Variants in ZNF248 observed in about 807,000 individuals in gnomAD.
ZNF248 encodes the protein KRAB protein domain.
ZNF248 carries 20 observed loss-of-function variants against 44.3 expected under a neutral mutation model. The ratio of observed to expected loss-of-function variants is 0.45; its 90% CI spans 0.32 to 0.66. The LOEUF is 0.66. ZNF248 is among the 30% of genes least tolerant of loss of function. The pLI is 0.04. For missense variants in ZNF248, 654 were observed against 677.0 expected (o/e 0.97, Z 0.38); for synonymous variants, 224 against 229.0 (o/e 0.98, Z 0.20).
intron 6 of ZNF248, among the ~76,000 whole-genome samples, chr10:37,778,776 T>C (rs1205967341): frequency 6.6e-6 from 1 of 151,124 alleles, no homozygotes; most frequent in East Asian, 1.9e-4. Context: ...GCAAGACTAA[T>C]AAAGAAAAAA....
intron 3 of ZNF248, 76 bp from the exon 4 acceptor site, chr10:37,838,187 T>C: frequency 7.2e-7 from 1 of 1,392,460 alleles, no homozygotes; most frequent in African/African-American, 1.4e-5. Flanking sequence ...AACTAATCTC[T>C]TTAGAGTTTA....
downstream of ZNF248, among the ~76,000 whole-genome samples, chr10:37,824,821 A>G (rs959032757): frequency 6.1e-5 from 9 of 146,586 alleles, no homozygotes; most frequent in Admixed American, 4.8e-4. Context: ...AGCTGGGACT[A>G]TAGGTGCCCA....
chr10:37,765,637 C>A, the ZNF248 span, among the ~76,000 whole-genome samples: 1 of 152,208 alleles, frequency 6.6e-6, no homozygotes, highest in African/African-American at 2.4e-5. Flanking sequence ...TCGATGCACA[C>A]TGGAAGGGAG....
At chr10:37,805,131 A>C (rs1030198050) in intron 6 of ZNF248, among the ~76,000 whole-genome samples, 16 of 152,186 alleles carry the variant, frequency 1.1e-4, no homozygotes, top group African/African-American at 3.4e-4. Context: ...GGTAGAAGTA[A>C]TGAGGATAAC....
At position 37,785,490 on chromosome 10, in the gene ZNF248, G is replaced by A. The variant is rs187076081; in HGVS notation, c.331-8915C>T. 9.8e-5 allele frequency among the ~76,000 whole-genome samples: 15 copies of A among 152,316 alleles called. No individual in the cohort carries two copies. In the East Asian group the frequency reaches 2.9e-3, roughly 29 times the overall value. ...GGCCTGAACAGGTCTCAGCAACTTA[G>A]TAATTTATATAAATAGGTGACCCAT... On this transcript the variant is annotated intron_variant, in intron 6 of 6. Transcript: ENST00000615949.
intron 3 of ZNF248, among the ~76,000 whole-genome samples, chr10:37,847,211 T>G (rs1265468739): frequency 6.6e-6 from 1 of 152,046 alleles, no homozygotes; most frequent in Non-Finnish European, 1.5e-5. Context: ...ATTTTTATTT[T>G]TATTTATTTA....
At chr10:37,790,708 C>CTAAATAAATAAATAAA (rs149151524) in intron 6 of ZNF248, among the ~76,000 whole-genome samples, 5,836 of 147,638 alleles carry the variant, frequency 0.04, 159 homozygotes, top group Middle Eastern at 0.088. Flanking sequence ...GGCTCCGTCT[C>CTAAATAAATAAATAAA]TAAATAAATA....
chr10:37,827,485 A>G (rs1050903723), downstream of ZNF248, among the ~76,000 whole-genome samples: 11 of 152,286 alleles, frequency 7.2e-5, no homozygotes, highest in Admixed American at 2.0e-4. Flanking sequence ...CTTTCTCTTC[A>G]TAAGTGCTGT....
intron 3 of ZNF248, among the ~76,000 whole-genome samples, chr10:37,848,509 G>A (rs2059691935): frequency 6.6e-6 from 1 of 151,854 alleles, no homozygotes; most frequent in Non-Finnish European, 1.5e-5. Context: ...CTTGAACCCG[G>A]GAAGCAGAGG....
At chr10:37,786,527 T>C (rs1429457548) in intron 6 of ZNF248, among the ~76,000 whole-genome samples, 5 of 152,196 alleles carry the variant, frequency 3.3e-5, no homozygotes, top group African/African-American at 4.8e-5. Context: ...TATATGACTA[T>C]ATAATGCAAA....
chr10:37,780,643 G>C (rs1264949157), intron 6 of ZNF248, among the ~76,000 whole-genome samples: 2 of 152,198 alleles, frequency 1.3e-5, no homozygotes, highest in Non-Finnish European at 2.9e-5. Flanking sequence ...ACCCAGCTCA[G>C]CCTGGAAGCA....
chr10:37,849,488 G>C (rs2059864172), intron 3 of ZNF248, among the ~76,000 whole-genome samples: 1 of 152,098 alleles, frequency 6.6e-6, no homozygotes, highest in Non-Finnish European at 1.5e-5. Context: ...TTCAAGGCCA[G>C]CCTGGCTAAC....
At chr10:37,795,532 T>C (rs914096936) in intron 6 of ZNF248, 5 of 152,192 alleles carry the variant, frequency 3.3e-5, no homozygotes, top group African/African-American at 1.2e-4. Flanking sequence ...TGCCAGAGTC[T>C]GCCTTATAAA....
chr10:37,849,690 A>C (rs950010429), intron 3 of ZNF248, among the ~76,000 whole-genome samples: 1 of 152,144 alleles, frequency 6.6e-6, no homozygotes, highest in Non-Finnish European at 1.5e-5. Context: ...GTCTCAAAAA[A>C]AAAAAATTTT....
chr10:37,771,762 C>T (rs531262902), downstream of ZNF248, among the ~76,000 whole-genome samples: 1 of 152,166 alleles, frequency 6.6e-6, no homozygotes, highest in South Asian at 2.1e-4. Flanking sequence ...TACCCTAAAA[C>T]TTAAAGTATA....
downstream of ZNF248, chr10:37,775,260 C>A (rs1451228480): frequency 6.6e-6 from 1 of 152,140 alleles, no homozygotes; most frequent in Non-Finnish European, 1.5e-5. Flanking sequence ...GATCTGTTAA[C>A]TATAAATTCC....
intron 6 of ZNF248, among the ~76,000 whole-genome samples, chr10:37,789,216 C>T (rs1237389816): frequency 6.6e-6 from 1 of 151,732 alleles, no homozygotes; most frequent in African/African-American, 2.4e-5. Flanking sequence ...GCGATGTTTG[C>T]ACAACTCTTA....
chr10:37,821,162 A>G (rs2053398847), intron 6 of ZNF248, among the ~76,000 whole-genome samples: 2 of 152,106 alleles, frequency 1.3e-5, no homozygotes, highest in Non-Finnish European at 1.5e-5. Context: ...TAAGTTCTAT[A>G]AAAGCACAGA....
chr10:37,819,736 T>C, intron 6 of ZNF248: 1 of 782,658 alleles, frequency 1.3e-6, no homozygotes, highest in Non-Finnish European at 2.4e-6. Flanking sequence ...ATGTTAACGT[T>C]TTATTTTCAG....
Sources: gnomAD v4.1 joint callset for allele counts (sites outside exome capture counted in the v4.1 genomes callset) on GRCh38, gnomAD v4.1.1 for gene constraint, MANE v1.5 for transcripts, NCBI Gene and HGNC (gene_info 2026-07-23, HGNC 2026-07-21) for gene names.